Variants in WWOX observed in about 807,000 individuals in gnomAD.
WWOX encodes WW domain containing oxidoreductase, also known as WW domain-containing oxidoreductase.
In WWOX, 69 loss-of-function variants were observed where a neutral mutation model predicts 46.2. The ratio of observed to expected loss-of-function variants is 1.49; its 90% CI spans 1.23 to 1.82. WWOX has a LOEUF of 1.82. Among genes scored for constraint, WWOX ranks in the 40% most tolerant of loss-of-function variants. WWOX has a pLI of 0.00. For synonymous variants in WWOX, 359 were observed against 202.6 expected (o/e 1.77, Z -6.56); for missense variants, 919 against 542.6 (o/e 1.69, Z -6.89).
At chr16:78,930,679 G>C (rs147814484) in intron 8 of WWOX, among the ~76,000 whole-genome samples, 28 of 151,076 alleles carry the variant, frequency 1.9e-4, no homozygotes, top group Non-Finnish European at 8.8e-5. Context: ...TAATCCTATT[G>C]AGTAAATGTA....
intron 8 of WWOX, among the ~76,000 whole-genome samples, chr16:78,751,666 A>G (rs4888839): frequency 1.4e-4 from 21 of 151,346 alleles, no homozygotes; most frequent in Admixed American, 4.0e-4. Context: ...TACTCCAAGA[A>G]AGCCATTTCT....
At chr16:78,976,549 G>A (rs1220769241) in intron 8 of WWOX, among the ~76,000 whole-genome samples, 1 of 152,222 alleles carries the variant, frequency 6.6e-6, no homozygotes, top group Non-Finnish European at 1.5e-5. Flanking sequence ...TGCCATCATA[G>A]CTTGATCTAG....
At chr16:79,117,790 C>G (rs527816108) in intron 8 of WWOX, among the ~76,000 whole-genome samples, 8 of 152,192 alleles carry the variant, frequency 5.3e-5, no homozygotes, top group Non-Finnish European at 7.3e-5. Context: ...ATGAACCGAC[C>G]TCTGCTAGCT....
At chr16:78,610,510 G>A (rs1270828342) in intron 8 of WWOX, among the ~76,000 whole-genome samples, 2 of 152,052 alleles carry the variant, frequency 1.3e-5, no homozygotes, top group Non-Finnish European at 2.9e-5. Flanking sequence ...CTATAGTGTT[G>A]GGGTGGGAAG....
intron 8 of WWOX, among the ~76,000 whole-genome samples, chr16:78,453,724 G>A (rs941785379): frequency 6.6e-6 from 1 of 152,094 alleles, no homozygotes; most frequent in East Asian, 1.9e-4. Flanking sequence ...TCATGGAAGT[G>A]TAATACAGGG....
intron 8 of WWOX, among the ~76,000 whole-genome samples, chr16:78,507,561 C>G (rs1597184062): frequency 6.6e-6 from 1 of 152,148 alleles, no homozygotes; most frequent in Non-Finnish European, 1.5e-5. Flanking sequence ...TCCTATTAGG[C>G]ATCTTATCCT....
intron 5 of WWOX, among the ~76,000 whole-genome samples, chr16:78,354,389 C>A (rs539592966): frequency 7.5e-6 from 1 of 134,072 alleles, no homozygotes; most frequent in Non-Finnish European, 1.5e-5. Flanking sequence ...AAATGACTTT[C>A]CAGAGGGACT....
At chr16:78,920,703 G>C (rs912774985) in intron 8 of WWOX, among the ~76,000 whole-genome samples, 1 of 152,154 alleles carries the variant, frequency 6.6e-6, no homozygotes, top group Admixed American at 6.5e-5. Context: ...GAGTGATGGA[G>C]ACAGAGAGAG....
intron 8 of WWOX, among the ~76,000 whole-genome samples, chr16:79,072,611 A>G (rs765133319): frequency 4.6e-5 from 7 of 152,206 alleles, no homozygotes; most frequent in African/African-American, 1.2e-4. Flanking sequence ...ATTCAGTATC[A>G]TTATCGAAGC....
At chr16:78,799,529 C>T (rs2050830098) in intron 8 of WWOX, among the ~76,000 whole-genome samples, 1 of 151,946 alleles carries the variant, frequency 6.6e-6, no homozygotes. Flanking sequence ...CATTTTAGAC[C>T]CCAAAAGTCC....
intron 8 of WWOX, among the ~76,000 whole-genome samples, chr16:78,905,860 C>T (rs568861633): frequency 3.3e-5 from 5 of 152,240 alleles, no homozygotes; most frequent in East Asian, 3.9e-4. Flanking sequence ...ACGTTTCCAC[C>T]CCCTCAAAAC....
intron 8 of WWOX, among the ~76,000 whole-genome samples, chr16:78,884,208 G>A (rs1291157454): frequency 6.9e-6 from 1 of 145,864 alleles, no homozygotes; most frequent in Non-Finnish European, 1.5e-5. Context: ...GGGAGGTCAA[G>A]GCTACAGTGA....
intron 8 of WWOX, among the ~76,000 whole-genome samples, chr16:78,680,587 G>T (rs190683101): frequency 2.0e-5 from 3 of 152,328 alleles, no homozygotes; most frequent in Non-Finnish European, 2.9e-5. Flanking sequence ...AAGGTAGCCA[G>T]TGGACACGTG....
chr16:78,139,154 G>C (rs1259071861), intron 4 of WWOX, among the ~76,000 whole-genome samples: 1 of 152,182 alleles, frequency 6.6e-6, no homozygotes, highest in Non-Finnish European at 1.5e-5. Flanking sequence ...TGGCTGGTTA[G>C]TTGGTAGAAG....
intron 8 of WWOX, among the ~76,000 whole-genome samples, chr16:79,052,168 T>A (rs1375890568): frequency 6.6e-6 from 1 of 152,094 alleles, no homozygotes; most frequent in Non-Finnish European, 1.5e-5. Flanking sequence ...TAGGTATATC[T>A]CCCAATGCTA....
At position 78,549,564 on chromosome 16, in the gene WWOX, C is replaced by T. The variant is rs111750495; in HGVS notation, c.1056+116812C>T. 2.7e-4 allele frequency among the ~76,000 whole-genome samples: 41 copies of T among 152,220 alleles called. 1 individual carries two copies. The highest frequency in any genetic ancestry group is 9.6e-4 in the African/African-American group (40 of 41,542). On this transcript the variant is annotated intron_variant, in intron 8 of 8. Transcript: ENST00000566780. ...TCCATCTCTTAAATCAGTCACTTGG[C>T]AGCAGCAAGACATGTGGCCACTCCA... is the stretch of plus-strand genomic sequence containing the variant.
chr16:78,812,630 G>T (rs1050540860), intron 8 of WWOX, among the ~76,000 whole-genome samples: 2 of 151,930 alleles, frequency 1.3e-5, no homozygotes, highest in African/African-American at 4.8e-5. Context: ...GGAGGCTGAC[G>T]CGCGAGAATC....
chr16:78,486,800 C>T (rs2084649070), intron 8 of WWOX, among the ~76,000 whole-genome samples: 1 of 152,162 alleles, frequency 6.6e-6, no homozygotes, highest in Admixed American at 6.5e-5. Flanking sequence ...TCTTGAACTC[C>T]TGACTTCGTG....
rs977314056 is a variant in WWOX at position 78,694,510 on chromosome 16, A to G, written c.1056+261758A>G. On this transcript the variant is annotated intron_variant, in intron 8 of 8. Coordinates refer to ENST00000566780, the MANE Select transcript of WWOX (RefSeq NM_016373.4). The stretch of plus-strand genomic sequence containing the variant: ...TGCTTTGCTCCAGTATCCATTTGAA[A>G]TTCAGTGCAAACCCATAAATTCCAC... Among the ~76,000 whole-genome samples the G allele has an allele frequency of 5.9e-5, 9 of 152,232 alleles. No homozygotes were observed. The South Asian group carries it at 6.2e-4, about 11-fold the overall frequency.
Sources: allele counts gnomAD v4.1 joint callset (sites outside exome capture counted in the v4.1 genomes callset), GRCh38; gene constraint gnomAD v4.1.1; transcripts MANE v1.5; gene names NCBI Gene and HGNC (gene_info 2026-07-23, HGNC 2026-07-21).